The following COG5 variants were observed in gnomAD, a reference collection of about 807,000 sequenced individuals.
COG5 encodes conserved oligomeric Golgi complex subunit 5.
COG5 carries 86 observed loss-of-function variants against 110.4 expected under a neutral mutation model. That is an observed-to-expected ratio of 0.78 (90% CI 0.65 to 0.93). The LOEUF is 0.93. Ranked by LOEUF, COG5 falls within the 40% of genes least tolerant of loss-of-function variation. The pLI is 0.00. For missense variants in COG5, 1,077 were observed against 987.0 expected, an observed-to-expected ratio of 1.09 and a Z score of -1.22; for synonymous variants, 360 against 334.6, an observed-to-expected ratio of 1.08 and a Z score of -0.83.
At chr7:107,323,094 G>A (rs1441468111) in intron 11 of COG5, among the ~76,000 whole-genome samples, 1 of 152,158 alleles carries the variant, frequency 6.6e-6, no homozygotes, top group African/African-American at 2.4e-5. Flanking sequence ...GTAAACATTT[G>A]TCAAACATCA....
intron 6 of COG5, among the ~76,000 whole-genome samples, chr7:107,507,139 G>C (rs998111566): frequency 6.6e-6 from 1 of 152,158 alleles, no homozygotes; most frequent in East Asian, 1.9e-4. Flanking sequence ...CCTGGAGGCA[G>C]TCTCTTCCAC....
intron 18 of COG5, among the ~76,000 whole-genome samples, chr7:107,235,960 T>C (rs1164123837): frequency 2.0e-5 from 3 of 152,214 alleles, no homozygotes; most frequent in African/African-American, 7.2e-5. Context: ...AACTGTACTC[T>C]ACCTGATAGA....
chr7:107,209,802 G>T, intron 21 of COG5: 3 of 984,124 alleles, frequency 3.0e-6, no homozygotes, highest in Non-Finnish European at 3.6e-6. Context: ...AATGTGCTGA[G>T]TCCCAGTTTA....
At chr7:107,402,374 C>T (rs1017800911) in intron 7 of COG5, among the ~76,000 whole-genome samples, 9 of 152,154 alleles carry the variant, frequency 5.9e-5, no homozygotes, top group African/African-American at 1.9e-4. Context: ...CCTCTAAAGA[C>T]AAGTAAACAC....
rs1431564886 is a variant in COG5, at chr7:107,252,137, C to A, written c.1750-3638G>T. ...TTCAAAGGCTCAAGCAGAAGGATCC[C>A]TTGAGCCCAGAAGTTCAAGGCTGTA... is the stretch of plus-strand genomic sequence containing the variant. On this transcript the variant is annotated intron_variant, in intron 16 of 21. Transcript: ENST00000297135. Among the ~76,000 whole-genome samples the A allele has an allele frequency of 3.3e-5, 5 of 152,222 alleles. No individual in the cohort carries two copies. In the East Asian group the frequency reaches 9.7e-4, roughly 29 times the overall value.
chr7:107,563,878 TGCC>T lies in COG5; in HGVS notation c.16_18del (p.Gly6del). 1 of 1,613,608 alleles carries T rather than the reference TGCC, an allele frequency of 6.2e-7. No homozygotes were observed. The highest frequency in any genetic ancestry group is 8.5e-7 in the Non-Finnish European group (1 of 1,179,956). ...GCTCCGAGGCCAGCTACAGCGACGCTGCCGCCGCCACCTTCCATGTTGGCAGGT... is the reference window on the plus strand; with the variant it reads ...GCTCCGAGGCCAGCTACAGCGACGCTGCCGCCACCTTCCATGTTGGCAGGT... On this transcript the variant is annotated inframe_deletion, in exon 1 of 22. Coordinates refer to ENST00000297135, the MANE Select transcript of COG5 (RefSeq NM_006348.5).
At chr7:107,438,343 T>A (rs753198078) in intron 6 of COG5, among the ~76,000 whole-genome samples, 29 of 152,314 alleles carry the variant, frequency 1.9e-4, no homozygotes, top group Non-Finnish European at 3.7e-4. Flanking sequence ...ATTAGTTTAT[T>A]CCCATAAATT....
intron 6 of COG5, among the ~76,000 whole-genome samples, chr7:107,501,226 A>G (rs1173701185): frequency 6.6e-6 from 1 of 152,064 alleles, no homozygotes; most frequent in East Asian, 1.9e-4. Context: ...TTTCAAATTA[A>G]TATTATTAGT....
At chr7:107,263,281 A>G (rs1387527635) in intron 14 of COG5, among the ~76,000 whole-genome samples, 2 of 152,236 alleles carry the variant, frequency 1.3e-5, no homozygotes, top group African/African-American at 2.4e-5. Context: ...CTACATGTTC[A>G]GCAAGGCATC....
chr7:107,307,758 G>C (rs992342514), intron 11 of COG5, among the ~76,000 whole-genome samples: 2 of 152,050 alleles, frequency 1.3e-5, no homozygotes, highest in Non-Finnish European at 2.9e-5. Flanking sequence ...GGGACATGAT[G>C]GGGGAGAAGG....
At chr7:107,461,680 G>T (rs963116169) in intron 6 of COG5, among the ~76,000 whole-genome samples, 1 of 152,000 alleles carries the variant, frequency 6.6e-6, no homozygotes, top group South Asian at 2.1e-4. Flanking sequence ...ATCAAGAAAA[G>T]AATAAATAAA....
intron 1 of COG5, among the ~76,000 whole-genome samples, chr7:107,559,470 C>T (rs1016678274): frequency 2.0e-5 from 3 of 152,100 alleles, no homozygotes; most frequent in Admixed American, 2.0e-4. Context: ...ATGTATGCTC[C>T]AAGAGGGGAA....
chr7:107,514,285 A>G (rs536470348), intron 6 of COG5, among the ~76,000 whole-genome samples: 13 of 151,830 alleles, frequency 8.6e-5, no homozygotes, highest in African/African-American at 3.1e-4. Context: ...GTCAACCCAC[A>G]ATCCTAACAT....
intron 19 of COG5, among the ~76,000 whole-genome samples, chr7:107,225,667 C>A (rs1215471896): frequency 6.6e-6 from 1 of 152,176 alleles, no homozygotes; most frequent in Non-Finnish European, 1.5e-5. Flanking sequence ...TGTGCACCAC[C>A]ATGCCTGGCT....
rs995645990 is a variant in COG5 at position 107,208,439 on chromosome 7, G to A, written c.2375+2087C>T. The A allele has an allele frequency of 1.2e-5, 12 of 985,244 alleles. No homozygotes were observed. In the African/African-American group the frequency reaches 1.9e-4, roughly 16 times the overall value. 61.0% of individuals were successfully genotyped at this position (985,244 alleles called of 1,614,324 possible). On this transcript the variant is annotated intron_variant, in intron 21 of 21. Coordinates refer to ENST00000297135, the MANE Select transcript of COG5 (RefSeq NM_006348.5). Reference sequence around the variant, plus strand: ...TGAACTCATTCCAACTTGTTAAGACGACAAAAATGACCAACTTGTTAAGAT... The same window carrying A: ...TGAACTCATTCCAACTTGTTAAGACAACAAAAATGACCAACTTGTTAAGAT...
At chr7:107,334,334 C>A (rs1218155203) in intron 10 of COG5, among the ~76,000 whole-genome samples, 1 of 151,916 alleles carries the variant, frequency 6.6e-6, no homozygotes, top group Admixed American at 6.6e-5. Flanking sequence ...CACTCATAAG[C>A]AGAAGCTAAA....
chr7:107,450,256 GT>G (rs1175154378), intron 6 of COG5: 1 of 157,092 alleles, frequency 6.4e-6, no homozygotes, highest in African/African-American at 2.4e-5. Context: ...TTACACTGTG[GT>G]TCCTACATGA....
At chr7:107,372,807 C>T (rs1814303170) in intron 7 of COG5, 47 bp from the exon 8 acceptor site, 1 of 1,571,390 alleles carries the variant, frequency 6.4e-7, no homozygotes, top group African/African-American at 1.4e-5. Context: ...AATAGGAAAA[C>T]AAACAAAATC....
intron 6 of COG5, among the ~76,000 whole-genome samples, chr7:107,438,582 T>A (rs1794506769): frequency 1.3e-5 from 2 of 152,216 alleles, no homozygotes; most frequent in African/African-American, 4.8e-5. Flanking sequence ...CTCTCCCAAC[T>A]ACAAACTTAG....
Sources: gnomAD v4.1 joint callset for allele counts (sites outside exome capture counted in the v4.1 genomes callset) on GRCh38, gnomAD v4.1.1 for gene constraint, MANE v1.5 for transcripts, NCBI Gene and HGNC (gene_info 2026-07-23, HGNC 2026-07-21) for gene names.